The following ASMTL variants were observed in gnomAD, a reference collection of about 807,000 sequenced individuals.
The protein encoded by ASMTL is probable bifunctional dTTP/UTP pyrophosphatase/methyltransferase protein.
ASMTL carries 57 observed loss-of-function variants against 60.3 expected under a neutral mutation model. That is an observed-to-expected ratio of 0.95 (90% CI 0.76 to 1.18). The LOEUF is 1.18. Ranked by LOEUF, ASMTL falls within the 50% of genes most tolerant of loss-of-function variation. The probability of loss-of-function intolerance (pLI) is 0.00; values close to 1 mark genes in which losing one functional copy is unlikely to be tolerated. For synonymous variants in ASMTL, 419 were observed against 373.0 expected, an observed-to-expected ratio of 1.12 and a Z score of -1.42; for missense variants, 981 against 852.6, an observed-to-expected ratio of 1.15 and a Z score of -1.88.
At chrX:1,438,480 C>T (rs765594138) in intron 3 of ASMTL, among the ~76,000 whole-genome samples, 8 of 152,218 alleles carry the variant, frequency 5.3e-5, no homozygotes, top group African/African-American at 1.2e-4. Context: ...CTACAGACAC[C>T]GTGATTTGTG....
chrX:1,412,138 A>G (rs2090053183), intron 12 of ASMTL, among the ~76,000 whole-genome samples: 1 of 151,938 alleles, frequency 6.6e-6, no homozygotes, highest in South Asian at 2.1e-4. Flanking sequence ...CTTTAAATAC[A>G]GCAGATTTAC....
intron 1 of ASMTL, among the ~76,000 whole-genome samples, chrX:1,450,830 G>A (rs2091351263): frequency 7.6e-6 from 1 of 131,376 alleles, no homozygotes; most frequent in Non-Finnish European, 1.6e-5. Flanking sequence ...TCCCTAGGCG[G>A]TACTGGATCA....
In ASMTL at chrX:1,427,921, T is replaced by G. The variant is rs2090657021; in HGVS notation, c.710A>C (p.Asp237Ala). ...GCCGCCCCCCTCCACGTCACTGAGGTCTTCGAAGGTGTCCGCGGCCGGGAT... is the reference window on the plus strand; with the variant it reads ...GCCGCCCCCCTCCACGTCACTGAGGGCTTCGAAGGTGTCCGCGGCCGGGAT... The part of the protein sequence containing the change: ...DSIPAADTFE[D>A]LSDVEGGGSE... The change falls in exon 7 of 13, where the codon GAC becomes GCC. Residue 237 changes from aspartate to alanine, a missense_variant. Coordinates refer to ENST00000381317, the MANE Select transcript of ASMTL (RefSeq NM_004192.4). 7 of 1,613,292 alleles carry G rather than the reference T, an allele frequency of 4.3e-6. No homozygotes were observed. The highest frequency in any genetic ancestry group is 5.9e-6 in the Non-Finnish European group (7 of 1,179,790).
intron 5 of ASMTL, among the ~76,000 whole-genome samples, chrX:1,433,792 A>C (rs373162574): frequency 6.6e-6 from 1 of 152,056 alleles, no homozygotes; most frequent in South Asian, 2.1e-4. Flanking sequence ...GGCTCCATAC[A>C]TCCTGCACCC....
Position 1,421,377 on chromosome X carries a change from A to G in ASMTL, c.1245+281T>C, listed in dbSNP as rs181944225. Among the ~76,000 whole-genome samples, 44 of 152,230 alleles carry G rather than the reference A, an allele frequency of 2.9e-4. No homozygotes were observed. The East Asian group carries it at 7.5e-3, about 26-fold the overall frequency. ...TTGGCCTCCCAAAGTGCTGGGAGTGACAGGTGTGAGCCCCTGAGCATGGCC... is the reference window on the plus strand; with the variant it reads ...TTGGCCTCCCAAAGTGCTGGGAGTGGCAGGTGTGAGCCCCTGAGCATGGCC... On this transcript the variant is annotated intron_variant, in intron 9 of 12. Transcript: ENST00000381317.
Position 1,437,647 on chromosome X carries a change from T to C in ASMTL, c.273+1450A>G, listed in dbSNP as rs376354263. On this transcript the variant is annotated intron_variant, in intron 3 of 12. Coordinates refer to ENST00000381317, the MANE Select transcript of ASMTL (RefSeq NM_004192.4). ...GCGTGGTGGCTCACGCCTGTAATCCTAGCACTTTGGGATGCCGAGGCGGGT... is the reference window on the plus strand; with the variant it reads ...GCGTGGTGGCTCACGCCTGTAATCCCAGCACTTTGGGATGCCGAGGCGGGT... 2.0e-3 allele frequency among the ~76,000 whole-genome samples: 295 copies of C among 149,348 alleles called. 4 individuals are homozygous for C. The highest frequency in any genetic ancestry group is 0.011 in the Middle Eastern group (3 of 264).
At chrX:1,410,389 G>C (rs1465358332) in intron 12 of ASMTL, among the ~76,000 whole-genome samples, 5 of 152,172 alleles carry the variant, frequency 3.3e-5, no homozygotes, top group Non-Finnish European at 5.9e-5. Context: ...CTGGGTGACA[G>C]AGGGGGACTC....
At position 1,432,306 on chromosome X, in the gene ASMTL, C is replaced by T; in HGVS notation, c.472G>A (p.Glu158Lys). The change falls in exon 6 of 13, where the codon GAG (glutamate) becomes AAG (lysine). Residue 158 changes from glutamate (E) to lysine (K), a missense_variant. Physicochemically the swap from Glu to Lys is moderately conservative, Grantham distance 56. Transcript: ENST00000381317. ...CTGTGGACGTATTCCCAGAGCAGCT[C>T]CTCGGACAGCTCCGAGAACTTCACC... ...TKVKFSELSEELLWEYVHSGE... is the reference protein window; with the variant it reads ...TKVKFSELSEKLLWEYVHSGE... 6.2e-7 allele frequency: 1 copy of T among 1,613,094 alleles called. No individual in the cohort carries two copies. The highest frequency in any genetic ancestry group is 1.3e-5 in the African/African-American group (1 of 74,934).
At chrX:1,442,041 C>T (rs780647477) in intron 2 of ASMTL, 145 bp downstream of exon 2, 22 of 872,430 alleles carry the variant, frequency 2.5e-5, no homozygotes, top group Non-Finnish European at 4.0e-5. Flanking sequence ...TAGTGCATTA[C>T]ATTATAACAT....
At chrX:1,436,213 G>A (rs190380849) in intron 3 of ASMTL, among the ~76,000 whole-genome samples, 7 of 152,132 alleles carry the variant, frequency 4.6e-5, no homozygotes, top group African/African-American at 7.2e-5. Flanking sequence ...TCACTCTGTC[G>A]CCCAGGCTGG....
chrX:1,422,610 GAGA>G (rs1336803189), intron 8 of ASMTL, among the ~76,000 whole-genome samples: 3 of 152,130 alleles, frequency 2.0e-5, no homozygotes, highest in African/African-American at 7.2e-5. Flanking sequence ...CTGGAAGGTG[GAGA>G]AGTTGTTGGT....
rs756762257 is a variant in ASMTL, at chrX:1,413,009, G to A, written c.1523-155C>T. ...TCTTCCTGAAGTACATCCCCGTGGG[G>A]ACTTGAACAGAGCTCCATGAGGAGC... On this transcript the variant is annotated intron_variant, in intron 11 of 12. Transcript: ENST00000381317. The A allele has an allele frequency of 3.0e-3, 2,361 of 780,798 alleles. 21 individuals are homozygous for A. The highest frequency in any genetic ancestry group is 2.7e-3 in the Non-Finnish European group (1,266 of 465,770). The allele number at this position is 780,798 out of a possible 1,614,324, so 48.4% of individuals were successfully genotyped here. A position where few individuals can be genotyped will look rare whatever the true frequency, so the allele number is the denominator to read the frequency against.
At chrX:1,416,697 G>A (rs1452873608) in intron 11 of ASMTL, among the ~76,000 whole-genome samples, 3 of 150,296 alleles carry the variant, frequency 2.0e-5, no homozygotes, top group African/African-American at 7.4e-5. Context: ...CAGACACAGA[G>A]ACACATTCTT....
In ASMTL at chrX:1,432,259, C is replaced by G; in HGVS notation, c.509+10G>C. On this transcript the variant is annotated intron_variant, in intron 6 of 12. Coordinates refer to ENST00000381317, the MANE Select transcript of ASMTL (RefSeq NM_004192.4). ...GTGTCCCCCGTCCCCCCACCGCCCC[C>G]GAGACTCACATGGGCTCCCCGCTGT... 6.2e-7 allele frequency: 1 copy of G among 1,603,474 alleles called. No individual in the cohort carries two copies. The highest frequency in any genetic ancestry group is 8.5e-7 in the Non-Finnish European group (1 of 1,172,802).
intron 1 of ASMTL, among the ~76,000 whole-genome samples, chrX:1,444,206 GTATT>G (rs2091183992): frequency 8.7e-6 from 1 of 114,816 alleles, no homozygotes; most frequent in South Asian, 3.2e-4. Flanking sequence ...GCCACTTTTT[GTATT>G]TTTTTTTTTT....
chrX:1,435,016 G>A lies in ASMTL; in HGVS notation c.400+6C>T, dbSNP rs191574767. On this transcript the variant is annotated splice_donor_region_variant and intron_variant, in intron 5 of 12. Transcript: ENST00000381317. ...GGGGCTACCCCGAAACCTGGGCCGC[G>A]GTTACCTTTGCTGGAGCAGTGGACG... The A allele has an allele frequency of 2.3e-4, 372 of 1,613,742 alleles. 1 individual carries two copies. The East Asian group carries it at 6.9e-3, about 30-fold the overall frequency.
rs755797255 is a variant in ASMTL at position 1,421,812 on chromosome X, T to A, written c.1091A>T (p.Tyr364Phe). The change falls in exon 9 of 13, where the codon TAC becomes TTC. Residue 364 changes from tyrosine (Y) to phenylalanine (F), a missense_variant. Tyr to Phe is a conservative substitution (Grantham distance 22). Coordinates refer to ENST00000381317, the MANE Select transcript of ASMTL (RefSeq NM_004192.4). ...AGAGTATTCGCCATCCGATGCCAGG[T>A]AGACGTTCGCTGTCTCTGTGTTACT... ...GYSNTETANV[Y>F]LASDGEYSLH... 8 of 1,613,812 alleles carry A rather than the reference T, an allele frequency of 5.0e-6. No individual in the cohort carries two copies. The highest frequency in any genetic ancestry group is 6.8e-6 in the Non-Finnish European group (8 of 1,179,832).
intron 8 of ASMTL, among the ~76,000 whole-genome samples, chrX:1,423,716 C>T (rs2090536117): frequency 6.7e-6 from 1 of 149,144 alleles, no homozygotes; most frequent in Non-Finnish European, 1.5e-5. Flanking sequence ...ACCCAGCTAC[C>T]CATCCAGCAA....
chrX:1,431,410 AAC>A (rs1421621575), intron 6 of ASMTL, among the ~76,000 whole-genome samples: 3 of 136,690 alleles, frequency 2.2e-5, no homozygotes, highest in South Asian at 2.3e-4. Context: ...AATCTATTTT[AAC>A]AGTTATATAA....
Sources: gnomAD v4.1 joint callset for allele counts (sites outside exome capture counted in the v4.1 genomes callset) on GRCh38, gnomAD v4.1.1 for gene constraint, MANE v1.5 for transcripts, NCBI Gene and HGNC (gene_info 2026-07-23, HGNC 2026-07-21) for gene names.